Variants in CENPK observed in about 807,000 individuals in gnomAD.
CENPK encodes the protein centromere protein K, also known as SoxLZ/Sox6-binding protein Solt.
A neutral mutation model predicts 40.9 loss-of-function variants in CENPK; 46 were observed. The ratio of observed to expected loss-of-function variants is 1.13; its 90% CI spans 0.89 to 1.44. CENPK has a LOEUF of 1.44. Ranked by LOEUF, CENPK falls within the 40% of genes most tolerant of loss-of-function variation. The pLI is 0.00. For synonymous variants in CENPK, 107 were observed against 104.4 expected (o/e 1.02, Z -0.15); for missense variants, 288 against 303.5 (o/e 0.95, Z 0.38).
At chr5:65,558,326 G>T (rs1374043866) in intron 2 of CENPK, among the ~76,000 whole-genome samples, 1 of 152,140 alleles carries the variant, frequency 6.6e-6, no homozygotes, top group East Asian at 1.9e-4. Context: ...AGAGAAAGGG[G>T]AGAAGAAAGA....
chr5:65,531,563 G>A (rs1415524561), intron 6 of CENPK, among the ~76,000 whole-genome samples: 1 of 151,648 alleles, frequency 6.6e-6, no homozygotes, highest in East Asian at 1.9e-4. Flanking sequence ...GAGTGCAGTG[G>A]CACTATCTCG....
intron 2 of CENPK, among the ~76,000 whole-genome samples, chr5:65,559,586 G>A (rs539514718): frequency 0.015 from 2,159 of 143,068 alleles, 23 homozygotes; most frequent in Non-Finnish European, 0.023. Context: ...CCGAGATCCC[G>A]CCACTGCACT....
At chr5:65,555,505 C>T (rs1047334645) in intron 2 of CENPK, among the ~76,000 whole-genome samples, 2 of 152,164 alleles carry the variant, frequency 1.3e-5, no homozygotes, top group Non-Finnish European at 2.9e-5. Context: ...AGATGATAAG[C>T]AATTAGTTTT....
At chr5:65,514,244 T>C (rs1742696707), downstream of CENPK, among the ~76,000 whole-genome samples, 1 of 24,692 alleles carries the variant, frequency 4.0e-5, no homozygotes, top group Non-Finnish European at 6.6e-5. Flanking sequence ...TTTTTTTTTT[T>C]TTTTTTTTTT....
At chr5:65,551,277 C>G in intron 5 of CENPK, 1 of 207,762 alleles carries the variant, frequency 4.8e-6, no homozygotes, top group Non-Finnish European at 9.0e-6. Flanking sequence ...AAAAAAGGAA[C>G]AATTTACCAT....
chr5:65,532,528 A>G lies in CENPK; in HGVS notation c.289-3329T>C, dbSNP rs189648871. Among the ~76,000 whole-genome samples the G allele has an allele frequency of 2.5e-3, 376 of 152,336 alleles. 1 individual carries two copies. Among genetic ancestry groups the G allele is most frequent in the South Asian group, 0.015 (72 of 4,830 alleles). On this transcript the variant is annotated intron_variant, in intron 6 of 10. Transcript: ENST00000396679. ...AAATTTCAGCAATTTAAATTCAGCA[A>G]TAAATAAGAAAGATTAATATAGTAT...
At chr5:65,553,816 T>C (rs1392514914) in intron 3 of CENPK, among the ~76,000 whole-genome samples, 1 of 152,222 alleles carries the variant, frequency 6.6e-6, no homozygotes, top group Non-Finnish European at 1.5e-5. Flanking sequence ...TTTCTATCTG[T>C]AGTCTTACTC....
Position 65,518,294 on chromosome 5 carries a change from C to T in CENPK, c.*181G>A, listed in dbSNP as rs1016373653. 5.5e-5 allele frequency: 32 copies of T among 584,366 alleles called. No homozygotes were observed. The highest frequency in any genetic ancestry group is 5.1e-4 in the African/African-American group (27 of 52,912). 36.2% of individuals were successfully genotyped at this position (584,366 alleles called of 1,614,324 possible). A position where few individuals can be genotyped will look rare whatever the true frequency, so the allele number is the denominator to read the frequency against. ...ATAGTTTAAAACACTAAAGCACTCACTGAATAAGAAATGACCATTTAAAAA... is the reference window on the plus strand; with the variant it reads ...ATAGTTTAAAACACTAAAGCACTCATTGAATAAGAAATGACCATTTAAAAA... On this transcript the variant is annotated 3_prime_UTR_variant, in exon 11 of 11. Transcript: ENST00000396679.
At chr5:65,525,736 A>G (rs72762426) in intron 9 of CENPK, among the ~76,000 whole-genome samples, 30,112 of 152,178 alleles carry the variant, frequency 0.2, 3,516 homozygotes, top group South Asian at 0.32. Context: ...CCCTAATCCA[A>G]TATGAATGGT....
chr5:65,547,755 C>T (rs1335350860), intron 5 of CENPK, among the ~76,000 whole-genome samples: 1 of 152,046 alleles, frequency 6.6e-6, no homozygotes, highest in Non-Finnish European at 1.5e-5. Flanking sequence ...AGCCCTGCCT[C>T]CTTGGTTCAT....
intron 6 of CENPK, chr5:65,529,495 CTTTTT>C (rs35215251): frequency 3.3e-5 from 6 of 183,222 alleles, no homozygotes; most frequent in African/African-American, 4.9e-5. Context: ...TTCTTTCTTT[CTTTTT>C]TTTTTTTGAG....
chr5:65,511,381 GGAA>G, the CENPK span, among the ~76,000 whole-genome samples: 4 of 152,160 alleles, frequency 2.6e-5, no homozygotes, highest in Non-Finnish European at 5.9e-5. Context: ...GCCTTCTATT[GGAA>G]GAAGATGCCA....
chr5:65,559,554 G>A (rs866309277), intron 2 of CENPK, among the ~76,000 whole-genome samples: 106 of 150,226 alleles, frequency 7.1e-4, no homozygotes, highest in Middle Eastern at 3.4e-3. Context: ...GCGTGAACCC[G>A]GGAGGCGGAG....
intron 9 of CENPK, among the ~76,000 whole-genome samples, chr5:65,522,133 A>T (rs1252455051): frequency 6.6e-6 from 1 of 152,138 alleles, no homozygotes; most frequent in East Asian, 1.9e-4. Context: ...ATAATCACAT[A>T]AAAAAATTAG....
the CENPK span, among the ~76,000 whole-genome samples, chr5:65,499,651 C>CTTTT: frequency 1.6e-5 from 2 of 125,772 alleles, no homozygotes; most frequent in African/African-American, 3.1e-5. Context: ...AATATTAGAT[C>CTTTT]TTTTTTTTTT....
Position 65,551,561 on chromosome 5 carries a change from T to C in CENPK, c.241+3A>G. The C allele has an allele frequency of 6.7e-7, 1 of 1,487,148 alleles. No individual in the cohort carries two copies. The highest frequency in any genetic ancestry group is 1.2e-5 in the South Asian group (1 of 80,498). The allele number at this position is 1,487,148 out of a possible 1,614,324, so 92.1% of individuals were successfully genotyped here. A position where few individuals can be genotyped will look rare whatever the true frequency, so the allele number is the denominator to read the frequency against. ...AAATTCAAATTTAAAATAAGAATCT[T>C]ACTTTCAGGTGTTTTTTTCTGCCAT... On this transcript the variant is annotated splice_donor_region_variant and intron_variant, in intron 5 of 10. Coordinates refer to ENST00000396679, the MANE Select transcript of CENPK (RefSeq NM_022145.5).
In CENPK at chr5:65,524,653, C is replaced by T. The variant is rs187699156; in HGVS notation, c.598-3125G>A. The T allele has an allele frequency of 1.4e-3, 221 of 156,184 alleles. 1 individual carries two copies. Among genetic ancestry groups the T allele is most frequent in the Non-Finnish European group, 2.6e-3 (180 of 70,002 alleles). 9.7% of individuals were successfully genotyped at this position (156,184 alleles called of 1,614,324 possible). On this transcript the variant is annotated intron_variant, in intron 9 of 10. Transcript: ENST00000396679. ...ACGAGATCATGCCACTGCATTCCAG[C>T]CTGGGTGACACAGGGAGACTCCATC...
intron 4 of CENPK, 98 bp downstream of exon 4, chr5:65,552,395 G>C (rs947725208): frequency 4.3e-6 from 3 of 689,794 alleles, no homozygotes; most frequent in Non-Finnish European, 7.3e-6. Context: ...ATTAACAAAG[G>C]TATTAAACTT....
chr5:65,548,638 A>G (rs1749433900), intron 5 of CENPK, among the ~76,000 whole-genome samples: 1 of 152,198 alleles, frequency 6.6e-6, no homozygotes, highest in African/African-American at 2.4e-5. Flanking sequence ...AACAAAGTTT[A>G]TGTAATATTC....
Sources: gnomAD v4.1 joint callset for allele counts (sites outside exome capture counted in the v4.1 genomes callset) on GRCh38, gnomAD v4.1.1 for gene constraint, MANE v1.5 for transcripts, NCBI Gene and HGNC (gene_info 2026-07-23, HGNC 2026-07-21) for gene names.